The following CACNG6 variants were observed in gnomAD, a reference collection of about 807,000 sequenced individuals.
CACNG6 encodes the protein voltage-dependent calcium channel gamma-6 subunit.
Under a neutral mutation model 23.9 loss-of-function variants are expected in CACNG6, and 21 were observed. The ratio of observed to expected loss-of-function variants is 0.88; its 90% CI spans 0.62 to 1.26. The LOEUF (loss-of-function observed/expected upper bound fraction) is 1.26. Ranked by LOEUF, CACNG6 falls within the 50% of genes most tolerant of loss-of-function variation. CACNG6 has a pLI of 0.00. For synonymous variants in CACNG6, 182 were observed against 168.9 expected (o/e 1.08, Z -0.60); for missense variants, 340 against 352.9 (o/e 0.96, Z 0.29).
intron 3 of CACNG6, among the ~76,000 whole-genome samples, chr19:54,001,377 C>T (rs1394369287): frequency 6.6e-6 from 1 of 151,968 alleles, no homozygotes; most frequent in African/African-American, 2.4e-5. Context: ...TTAGTAGAGA[C>T]AGGGTTTCAT....
At chr19:54,000,811 G>A (rs1234793936) in intron 3 of CACNG6, among the ~76,000 whole-genome samples, 4 of 151,926 alleles carry the variant, frequency 2.6e-5, no homozygotes, top group Non-Finnish European at 4.4e-5. Flanking sequence ...AACTCCTGAC[G>A]TCAAGTGATC....
rs745648688 is a variant in CACNG6, at chr19:54,012,027, T to TC, written c.626dup (p.Ala210GlyfsTer60). The TC allele has an allele frequency of 6.9e-6, 11 of 1,605,382 alleles. No individual in the cohort carries two copies. The highest frequency in any genetic ancestry group is 9.3e-6 in the Non-Finnish European group (11 of 1,176,474). On this transcript the variant is annotated frameshift_variant, in exon 4 of 4. Transcript: ENST00000252729. LOFTEE classifies it high-confidence loss of function. Reference sequence around the variant, plus strand: ...TGCTGCAGAGAGTCAGCCCGGAGCCTCCCCCGGCCCCACGCCTCACCTACG... The same window carrying TC: ...TGCTGCAGAGAGTCAGCCCGGAGCCTCCCCCCGGCCCCACGCCTCACCTACG...
chr19:54,012,012 A>T lies in CACNG6; in HGVS notation c.606A>T (p.Arg202Ser), dbSNP rs775178620. The T allele has an allele frequency of 1.2e-5, 19 of 1,602,860 alleles. No individual in the cohort carries two copies. In the South Asian group the frequency reaches 2.1e-4, roughly 18 times the overall value. ...ATTCCGTGAGGGCCCTGCTGCAGAGAGTCAGCCCGGAGCCTCCCCCGGCCC... is the reference window on the plus strand; with the variant it reads ...ATTCCGTGAGGGCCCTGCTGCAGAGTGTCAGCCCGGAGCCTCCCCCGGCCC... ...FRHSVRALLQ[R>S]VSPEPPPAPR... Residue 202 changes from arginine to serine, a missense_variant, in exon 4 of 4, where the codon AGA (arginine) becomes AGT (serine). Physicochemically the swap from Arg to Ser is moderately radical, Grantham distance 110 (BLOSUM62 -1). Coordinates refer to ENST00000252729, the MANE Select transcript of CACNG6 (RefSeq NM_145814.2).
intron 3 of CACNG6, among the ~76,000 whole-genome samples, chr19:54,003,520 C>T (rs961233997): frequency 4.6e-5 from 7 of 152,064 alleles, no homozygotes; most frequent in African/African-American, 1.4e-4. Context: ...GCCACCACAC[C>T]TGGCTAAGTT....
Position 53,992,799 on chromosome 19 carries a change from A to G in CACNG6, c.-79A>G, listed in dbSNP as rs1305168897. ...AGTCCCTCACCCCCTTCAAGACCCCAGGCCGCTCCTCGCTCCCGCCCCTCG... is the reference window on the plus strand; with the variant it reads ...AGTCCCTCACCCCCTTCAAGACCCCGGGCCGCTCCTCGCTCCCGCCCCTCG... On this transcript the variant is annotated 5_prime_UTR_variant, in exon 1 of 4. Transcript: ENST00000252729. This position sits in a 1 kb window ranked among gnomAD's most constrained non-coding sequence, Gnocchi z 4.1. 1 of 1,005,634 alleles carries G rather than the reference A, an allele frequency of 9.9e-7. No homozygotes were observed. The highest frequency in any genetic ancestry group is 1.4e-6 in the Non-Finnish European group (1 of 740,030). The allele number at this position is 1,005,634 out of a possible 1,614,324, so 62.3% of individuals were successfully genotyped here.
At chr19:54,011,551 C>T (rs903530709) in intron 3 of CACNG6, among the ~76,000 whole-genome samples, 5 of 151,864 alleles carry the variant, frequency 3.3e-5, no homozygotes, top group Non-Finnish European at 5.9e-5. Flanking sequence ...GATTCTATAT[C>T]CGCCTTTTAA....
intron 3 of CACNG6, among the ~76,000 whole-genome samples, chr19:54,007,716 A>G (rs1037226987): frequency 4.6e-5 from 7 of 151,374 alleles, no homozygotes. Context: ...GGGGCAATGT[A>G]GAAAGATCCC....
upstream of CACNG6, among the ~76,000 whole-genome samples, chr19:53,991,437 C>G (rs528298611): frequency 3.3e-5 from 5 of 152,174 alleles, no homozygotes; most frequent in South Asian, 1.0e-3. Context: ...AAAGTCCCAT[C>G]AGGCTCGGCC....
At chr19:53,995,427 A>C (rs1284381767) in intron 1 of CACNG6, among the ~76,000 whole-genome samples, 2 of 152,180 alleles carry the variant, frequency 1.3e-5, no homozygotes. Context: ...TCCCTTGGCT[A>C]TAAGTATGGA....
chr19:54,002,683 G>T (rs1600059194), intron 3 of CACNG6, among the ~76,000 whole-genome samples: 2 of 152,098 alleles, frequency 1.3e-5, no homozygotes, highest in Non-Finnish European at 2.9e-5. Flanking sequence ...ACTCCTGGGG[G>T]TGCACAGGAA....
rs1321972837 is a variant in CACNG6 at position 53,998,328 on chromosome 19, C to A, written c.406+15C>A. 51 of 1,611,400 alleles carry A rather than the reference C, an allele frequency of 3.2e-5. No individual in the cohort carries two copies. The highest frequency in any genetic ancestry group is 4.2e-5 in the Non-Finnish European group (50 of 1,177,718). ...CACAAAGAAAGGTGAGAACTTTTCA[C>A]CCCCTGCTGGGTGACAGGTGGGGGA... is the stretch of plus-strand genomic sequence containing the variant. On this transcript the variant is annotated intron_variant, in intron 2 of 3. Coordinates refer to ENST00000252729, the MANE Select transcript of CACNG6 (RefSeq NM_145814.2).
At position 53,999,740 on chromosome 19, in the gene CACNG6, C is replaced by T. The variant is rs1322417027; in HGVS notation, c.513C>T (p.Leu171=). 2 of 1,614,068 alleles carry T rather than the reference C, an allele frequency of 1.2e-6. No homozygotes were observed. Among genetic ancestry groups the T allele is most frequent in the Non-Finnish European group, 1.7e-6 (2 of 1,180,034 alleles). ...TCAGTAAAGGTGCAGAGTTCCTGCTCCGAGTTGGAGCCGTCTGCTTTGGCC... is the reference window on the plus strand; with the variant it reads ...TCAGTAAAGGTGCAGAGTTCCTGCTTCGAGTTGGAGCCGTCTGCTTTGGCC... ...MVLSKGAEFL[L]RVGAVCFGLS... The change falls in exon 3 of 4, where the codon CTC becomes CTT. Residue 171 remains leucine (L), a synonymous_variant. Coordinates refer to ENST00000252729, the MANE Select transcript of CACNG6 (RefSeq NM_145814.2).
intron 3 of CACNG6, 117 bp from the exon 4 acceptor site, chr19:54,011,834 G>C (rs2069718520): frequency 1.9e-6 from 1 of 520,044 alleles, no homozygotes; most frequent in South Asian, 5.6e-5. Flanking sequence ...AGTATTTGTT[G>C]AGTGCACGCG....
intron 3 of CACNG6, among the ~76,000 whole-genome samples, chr19:54,011,190 T>TAAA (rs142489178): frequency 5.5e-3 from 323 of 59,164 alleles, no homozygotes; most frequent in Middle Eastern, 8.6e-3. Flanking sequence ...CCGTCTCTAC[T>TAAA]AAAAAAAAAA....
intron 3 of CACNG6, among the ~76,000 whole-genome samples, chr19:54,004,315 G>A (rs1271727265): frequency 2.0e-5 from 3 of 146,656 alleles, no homozygotes; most frequent in African/African-American, 7.9e-5. Context: ...GCGCCACCAC[G>A]CCTGGTTAAT....
intron 3 of CACNG6, among the ~76,000 whole-genome samples, chr19:54,004,552 C>T (rs1348152427): frequency 1.3e-5 from 2 of 152,050 alleles, no homozygotes; most frequent in Non-Finnish European, 2.9e-5. Context: ...AGTCGGATCA[C>T]GGATTCTCCC....
chr19:53,996,002 A>G (rs2069517416), intron 1 of CACNG6, among the ~76,000 whole-genome samples: 1 of 152,104 alleles, frequency 6.6e-6, no homozygotes, highest in East Asian at 1.9e-4. Context: ...GAACTCACAT[A>G]TCCCACTCCT....
intron 3 of CACNG6, among the ~76,000 whole-genome samples, chr19:54,011,459 C>CAAAACA: frequency 7.1e-6 from 1 of 140,504 alleles, no homozygotes; most frequent in East Asian, 2.1e-4. Flanking sequence ...AAAAACAAAA[C>CAAAACA]AAAACAAAAA....
chr19:54,003,298 G>A (rs767334262), intron 3 of CACNG6, among the ~76,000 whole-genome samples: 31 of 152,164 alleles, frequency 2.0e-4, no homozygotes, highest in Admixed American at 9.2e-4. Context: ...GAGTGTGGGA[G>A]GAGCAGCTTG....
Sources: gnomAD v4.1 joint callset for allele counts (sites outside exome capture counted in the v4.1 genomes callset) on GRCh38, gnomAD v4.1.1 for gene constraint, Gnocchi (gnomAD v3.1) non-coding constraint, MANE v1.5 for transcripts, NCBI Gene and HGNC (gene_info 2026-07-23, HGNC 2026-07-21) for gene names.